Variants in MCTP2 observed in about 807,000 individuals in gnomAD.
MCTP2 encodes multiple C2 and transmembrane domain-containing protein 2.
A neutral mutation model predicts 111.6 loss-of-function variants in MCTP2; 132 were observed. The observed-to-expected ratio is 1.18, with a 90% CI of 1.03 to 1.37. MCTP2 has a LOEUF of 1.37. Ranked by LOEUF, MCTP2 falls within the 40% of genes most tolerant of loss-of-function variation. MCTP2 has a pLI of 0.00. For missense variants in MCTP2, 1,183 were observed against 1,067.9 expected, an observed-to-expected ratio of 1.11 and a Z score of -1.50; for synonymous variants, 395 against 387.7, an observed-to-expected ratio of 1.02 and a Z score of -0.22.
intron 1 of MCTP2, among the ~76,000 whole-genome samples, chr15:94,244,380 A>G (rs1409899269): frequency 6.7e-6 from 1 of 149,882 alleles, no homozygotes; most frequent in African/African-American, 2.4e-5. Flanking sequence ...ACGTATATGT[A>G]TACACATAAA....
At chr15:94,421,973 A>T (rs980094141) in intron 17 of MCTP2, among the ~76,000 whole-genome samples, 1 of 152,202 alleles carries the variant, frequency 6.6e-6, no homozygotes, top group Non-Finnish European at 1.5e-5. Flanking sequence ...GGTTTCTTGC[A>T]TACAAAGTGT....
intron 8 of MCTP2, among the ~76,000 whole-genome samples, chr15:94,346,921 T>C (rs1232379256): frequency 1.3e-5 from 2 of 152,168 alleles, no homozygotes; most frequent in African/African-American, 4.8e-5. Context: ...TTTTGCTTTT[T>C]TCCCATCATG....
At chr15:94,249,420 T>A (rs1415280541) in intron 1 of MCTP2, among the ~76,000 whole-genome samples, 18 of 152,032 alleles carry the variant, frequency 1.2e-4, no homozygotes, top group Non-Finnish European at 2.4e-4. Context: ...GAGCCATTGC[T>A]CCCCTTTCCA....
At chr15:94,322,288 C>T (rs7174115) in intron 4 of MCTP2, among the ~76,000 whole-genome samples, 127,356 of 151,926 alleles carry the variant, frequency 0.84, 53,593 homozygotes, top group East Asian at 0.93. Flanking sequence ...AATTGCACAG[C>T]CCCTGTTTTT....
intron 1 of MCTP2, among the ~76,000 whole-genome samples, chr15:94,246,759 C>T (rs541932064): frequency 3.0e-4 from 45 of 152,270 alleles, no homozygotes; most frequent in Middle Eastern, 6.8e-3. Flanking sequence ...TCAATTTAAG[C>T]TGTCACATGA....
chr15:94,275,844 A>AT (rs35006187), intron 1 of MCTP2, among the ~76,000 whole-genome samples: 46,069 of 131,502 alleles, frequency 0.35, 8,478 homozygotes, highest in South Asian at 0.42. Context: ...TTTTATAAGC[A>AT]TTTTTTTTTT....
At chr15:94,307,065 G>A (rs1181920752) in intron 2 of MCTP2, among the ~76,000 whole-genome samples, 2 of 152,208 alleles carry the variant, frequency 1.3e-5, no homozygotes, top group African/African-American at 4.8e-5. Flanking sequence ...TCCATCATGG[G>A]CTCAGTCTCG....
In MCTP2 at chr15:94,343,293, T is replaced by G. The variant is rs1031652625; in HGVS notation, c.970-1836T>G. The G allele has an allele frequency of 2.0e-5, 3 of 152,144 alleles. No homozygotes were observed. The East Asian group carries it at 5.8e-4, about 29-fold the overall frequency. 9.4% of individuals were successfully genotyped at this position (152,144 alleles called of 1,614,324 possible). A position where few individuals can be genotyped will look rare whatever the true frequency, so the allele number is the denominator to read the frequency against. Reference sequence around the variant, plus strand: ...GTTAATATTTAAAGAGATTTTTATATTGGGATTTTAAGTGGGAATAACTAG... The same window carrying G: ...GTTAATATTTAAAGAGATTTTTATAGTGGGATTTTAAGTGGGAATAACTAG... On this transcript the variant is annotated intron_variant, in intron 7 of 22. Coordinates refer to ENST00000357742, the MANE Select transcript of MCTP2 (RefSeq NM_001385001.1).
chr15:94,239,008 G>GAA (rs539868505), intron 1 of MCTP2, among the ~76,000 whole-genome samples: 10 of 99,730 alleles, frequency 1.0e-4, no homozygotes, highest in Non-Finnish European at 1.3e-4. Context: ...AGTTGACCGT[G>GAA]AAAAAAAAAA....
At chr15:94,263,540 AACATGTGTCTTCTCTGT>A (rs1248471939) in intron 1 of MCTP2, among the ~76,000 whole-genome samples, 2 of 152,226 alleles carry the variant, frequency 1.3e-5, no homozygotes, top group East Asian at 3.8e-4. Context: ...GTTTATCTAA[AACATGTGTCTTCTCTGT>A]AAGACACATC....
At chr15:94,322,904 T>C (rs781649772) in intron 4 of MCTP2, among the ~76,000 whole-genome samples, 4 of 152,138 alleles carry the variant, frequency 2.6e-5, no homozygotes, top group Non-Finnish European at 4.4e-5. Flanking sequence ...GGGTATGTGA[T>C]TGAGCATAGG....
intron 2 of MCTP2, among the ~76,000 whole-genome samples, chr15:94,312,357 C>T (rs1326620323): frequency 1.3e-5 from 2 of 152,168 alleles, no homozygotes; most frequent in South Asian, 2.1e-4. Flanking sequence ...GCCCAACTCA[C>T]CTGGGGGTCC....
chr15:94,406,858 GTTTTT>G (rs199663326), intron 17 of MCTP2, among the ~76,000 whole-genome samples: 1 of 132,090 alleles, frequency 7.6e-6, no homozygotes. Context: ...CTTTTCAGTT[GTTTTT>G]TTTTTTTTTT....
At chr15:94,464,251 T>TA (rs368967304) in intron 20 of MCTP2, among the ~76,000 whole-genome samples, 1 of 48,154 alleles carries the variant, frequency 2.1e-5, no homozygotes, top group Non-Finnish European at 4.4e-5. Flanking sequence ...TATATATATA[T>TA]ATATATTATA....
At chr15:94,408,456 C>T (rs918679781) in intron 17 of MCTP2, among the ~76,000 whole-genome samples, 1 of 152,070 alleles carries the variant, frequency 6.6e-6, no homozygotes, top group African/African-American at 2.4e-5. Context: ...CCTAGTCTTC[C>T]TTTTCATGAA....
At chr15:94,433,670 G>A (rs2083308829) in intron 17 of MCTP2, among the ~76,000 whole-genome samples, 1 of 152,200 alleles carries the variant, frequency 6.6e-6, no homozygotes, top group Admixed American at 6.5e-5. Context: ...TTGAGAAACT[G>A]CCATACAGTT....
chr15:94,396,769 A>C (rs1333161243), intron 14 of MCTP2, among the ~76,000 whole-genome samples: 1 of 152,210 alleles, frequency 6.6e-6, no homozygotes, highest in Non-Finnish European at 1.5e-5. Context: ...GGAAGCAACT[A>C]AATGTTCATC....
At chr15:94,332,350 C>A (rs967699129) in intron 4 of MCTP2, among the ~76,000 whole-genome samples, 150 of 152,140 alleles carry the variant, frequency 9.9e-4, no homozygotes, top group African/African-American at 3.4e-3. Flanking sequence ...CTTTTCCCAA[C>A]AAAAAGAGAA....
chr15:94,362,999 A>G (rs1006041540), intron 10 of MCTP2, among the ~76,000 whole-genome samples: 11 of 152,228 alleles, frequency 7.2e-5, no homozygotes, highest in African/African-American at 2.7e-4. Context: ...TGAGTAGAAC[A>G]ATGGCATTTT....
Sources: allele counts gnomAD v4.1 joint callset (sites outside exome capture counted in the v4.1 genomes callset), GRCh38; gene constraint gnomAD v4.1.1; transcripts MANE v1.5; gene names NCBI Gene and HGNC (gene_info 2026-07-23, HGNC 2026-07-21).